IGF2R: variants seen among roughly 807,000 people sequenced by gnomAD.
IGF2R encodes insulin like growth factor 2 receptor.
In IGF2R, 91 loss-of-function variants were observed where a neutral mutation model predicts 270.6. That is an observed-to-expected ratio of 0.34 (90% CI 0.28 to 0.40). The LOEUF (loss-of-function observed/expected upper bound fraction) is 0.40, where lower values mean the gene tolerates loss of function less well. Among genes scored for constraint, IGF2R ranks in the 10% least tolerant of loss-of-function variants. IGF2R has a pLI of 1.00. For missense variants in IGF2R, 2,805 were observed against 3,188.3 expected (o/e 0.88, Z 2.90); for synonymous variants, 1,316 against 1,258.9 (o/e 1.05, Z -0.96).
At chr6:160,099,859 T>C (rs1229949995) in intron 45 of IGF2R, among the ~76,000 whole-genome samples, 1 of 152,118 alleles carries the variant, frequency 6.6e-6, no homozygotes, top group African/African-American at 2.4e-5. Context: ...CTTACAGTGA[T>C]AGCATCATAT....
At chr6:160,051,641 G>GTAA (rs778162018) in intron 19 of IGF2R, among the ~76,000 whole-genome samples, 1 of 152,188 alleles carries the variant, frequency 6.6e-6, no homozygotes, top group Non-Finnish European at 1.5e-5. Flanking sequence ...GGCTGTATGT[G>GTAA]TAATACAAAA....
rs531211874 is a variant in IGF2R, at chr6:160,048,309, A to G, written c.2346-66A>G. The G allele has an allele frequency of 2.1e-6, 3 of 1,461,730 alleles. No homozygotes were observed. In the African/African-American group the frequency reaches 4.2e-5, roughly 20 times the overall value. 90.5% of individuals were successfully genotyped at this position (1,461,730 alleles called of 1,614,324 possible). On this transcript the variant is annotated intron_variant, in intron 17 of 47. Transcript: ENST00000356956. ...GGTAGCTTTACTTCCCCAACTACAT[A>G]GAAATAAATGAGACTGAAATGTGTA...
intron 4 of IGF2R, among the ~76,000 whole-genome samples, chr6:160,021,467 T>C (rs1368276737): frequency 7.1e-6 from 1 of 139,958 alleles, no homozygotes; most frequent in Non-Finnish European, 1.6e-5. Flanking sequence ...GGGGGAGGGA[T>C]AGCATTAGGA....
Position 160,102,552 on chromosome 6 carries a change from C to T in IGF2R, c.6876C>T (p.Asp2292=), listed in dbSNP as rs201941901. Residue 2292 remains aspartate, a synonymous_variant, in exon 46 of 48, where the codon GAC becomes GAT. Transcript: ENST00000356956. This position sits in a 1 kb window ranked among gnomAD's most constrained non-coding sequence, Gnocchi z 4.5. ...VGFDSENPGD[D]GQMHKGLSER... is the part of the protein sequence containing the mutation. The stretch of plus-strand genomic sequence containing the variant: ...TTGACAGCGAGAATCCCGGGGACGA[C>T]GGGCAGATGCACAAGGGGCTGTCAG... 389 of 1,612,904 alleles carry T rather than the reference C, an allele frequency of 2.4e-4. 1 individual carries two copies. The highest frequency in any genetic ancestry group is 2.9e-4 in the Non-Finnish European group (347 of 1,179,896).
chr6:159,969,454 T>TG, intron 1 of IGF2R, 59 bp downstream of exon 1: 4 of 1,138,040 alleles, frequency 3.5e-6, no homozygotes, highest in Non-Finnish European at 4.3e-6. Flanking sequence ...GCGGCCGGCG[T>TG]GGGGGGCGGG....
chr6:160,102,465 T>C lies in IGF2R; in HGVS notation c.6843-54T>C. ...GGGGACTCAGGTCTCAGGTTGTGGC[T>C]GTGGCAGCAGGACCACCCTGTGACA... On this transcript the variant is annotated intron_variant, in intron 45 of 47. Transcript: ENST00000356956. The surrounding 1 kb of genome is among the most constrained non-coding windows in gnomAD (Gnocchi z 4.5). The C allele has an allele frequency of 6.3e-7, 1 of 1,580,996 alleles. No individual in the cohort carries two copies. The highest frequency in any genetic ancestry group is 8.6e-7 in the Non-Finnish European group (1 of 1,158,332).
Position 160,073,375 on chromosome 6 carries a change from C to T in IGF2R, c.4853C>T (p.Ala1618Val). Reference protein sequence around the residue: ...SVISFVCRPEARPTNRPMLIS... With the variant: ...SVISFVCRPEVRPTNRPMLIS... ...ATCAGTTTCGTGTGCAGGCCTGAGG[C>T]CAGGCCAACCAATAGGCCCATGCTC... The change falls in exon 34 of 48, where the codon GCC (alanine) becomes GTC (valine). Residue 1618 changes from alanine (A) to valine (V), a missense_variant. Around this residue, in one of 2 missense-constraint regions of IGF2R, gnomAD observed 1,851 missense variants for 2,207.2 expected, o/e 0.84. Coordinates refer to ENST00000356956, the MANE Select transcript of IGF2R (RefSeq NM_000876.4). 2 of 1,614,212 alleles carry T rather than the reference C, an allele frequency of 1.2e-6. No individual in the cohort carries two copies. Among genetic ancestry groups the T allele is most frequent in the Middle Eastern group, 1.6e-4 (1 of 6,062 alleles).
At chr6:160,027,441 T>G in intron 6 of IGF2R, 127 bp downstream of exon 6, 1 of 1,061,614 alleles carries the variant, frequency 9.4e-7, no homozygotes. Context: ...CTGCTTCACA[T>G]GTACTTGTAA....
rs998399164 is a variant in IGF2R at position 160,043,917 on chromosome 6, G to C, written c.1622-597G>C. Among the ~76,000 whole-genome samples, 4 of 152,332 alleles carry C rather than the reference G, an allele frequency of 2.6e-5. No homozygotes were observed. In the South Asian group the frequency reaches 8.3e-4, roughly 32 times the overall value. On this transcript the variant is annotated intron_variant, in intron 12 of 47. Coordinates refer to ENST00000356956, the MANE Select transcript of IGF2R (RefSeq NM_000876.4). ...ATTTTAGGAATTATCTCGGTATTCA[G>C]AATTGCTGGTGTGTCTTTAAAAGCA...
At chr6:159,973,857 TA>T (rs1429466486) in intron 1 of IGF2R, among the ~76,000 whole-genome samples, 2 of 152,236 alleles carry the variant, frequency 1.3e-5, no homozygotes, top group African/African-American at 2.4e-5. Flanking sequence ...TCTTGGTATA[TA>T]AACTATTGTA....
Position 160,075,848 on chromosome 6 carries a change from A to T in IGF2R, c.5168A>T (p.Asp1723Val), listed in dbSNP as rs1352794128. The T allele has an allele frequency of 6.2e-7, 1 of 1,613,382 alleles. No individual in the cohort carries two copies. Among genetic ancestry groups the T allele is most frequent in the Non-Finnish European group, 8.5e-7 (1 of 1,179,414 alleles). ...TGTTTGCCCTCGCTCTTTGTTTAGGATATCGGCCGGGTAGCAGGACCACCA... is the reference window on the plus strand; with the variant it reads ...TGTTTGCCCTCGCTCTTTGTTTAGGTTATCGGCCGGGTAGCAGGACCACCA... ...CKVPIDGPPIDIGRVAGPPIL... is the reference protein window; with the variant it reads ...CKVPIDGPPIVIGRVAGPPIL... Residue 1723 changes from aspartate (D) to valine (V), a missense_variant and splice_region_variant, in exon 36 of 48, where the codon GAT becomes GTT. Around this residue, in one of 2 missense-constraint regions of IGF2R, gnomAD observed 1,851 missense variants for 2,207.2 expected, o/e 0.84. Coordinates refer to ENST00000356956, the MANE Select transcript of IGF2R (RefSeq NM_000876.4).
intron 4 of IGF2R, 133 bp from the exon 5 acceptor site, chr6:160,024,439 T>G: frequency 2.5e-6 from 2 of 805,960 alleles, no homozygotes; most frequent in Non-Finnish European, 4.0e-6. Flanking sequence ...TTTGCCTGAG[T>G]TCGTTATTAG....
At position 160,089,226 on chromosome 6, in the gene IGF2R, G is replaced by A; in HGVS notation, c.6440G>A (p.Ser2147Asn). ...ATCACCAACCCTATAAATGGCAAGAGCTTCAGCCTCGGAGATATTTATTTT... is the reference window on the plus strand; with the variant it reads ...ATCACCAACCCTATAAATGGCAAGAACTTCAGCCTCGGAGATATTTATTTT... ...GTITNPINGK[S>N]FSLGDIYFKL... The change falls in exon 43 of 48, where the codon AGC becomes AAC. Residue 2147 changes from serine (S) to asparagine (N), a missense_variant. Ser to Asn is a conservative substitution (Grantham distance 46, BLOSUM62 1). Coordinates refer to ENST00000356956, the MANE Select transcript of IGF2R (RefSeq NM_000876.4). The A allele has an allele frequency of 6.2e-7, 1 of 1,610,526 alleles. No homozygotes were observed.
rs1242728094 is a variant in IGF2R at position 159,993,272 on chromosome 6, A to G, written c.289+1949A>G. On this transcript the variant is annotated intron_variant, in intron 2 of 47. Coordinates refer to ENST00000356956, the MANE Select transcript of IGF2R (RefSeq NM_000876.4). Reference sequence around the variant, plus strand: ...TACTTGGCTATTTTTGTTTTGTTGCATTTGCTTTTGAGGTTTTAGTTATGA... The same window carrying G: ...TACTTGGCTATTTTTGTTTTGTTGCGTTTGCTTTTGAGGTTTTAGTTATGA... Among the ~76,000 whole-genome samples the G allele has an allele frequency of 3.2e-4, 49 of 152,018 alleles. 1 individual carries two copies. The highest frequency in any genetic ancestry group is 1.5e-5 in the Non-Finnish European group (1 of 67,992).
At chr6:160,078,007 G>A (rs1778891101) in intron 36 of IGF2R, among the ~76,000 whole-genome samples, 194 bp from the exon 37 acceptor site, 1 of 152,242 alleles carries the variant, frequency 6.6e-6, no homozygotes, top group African/African-American at 2.4e-5. Context: ...CTCACAGGAT[G>A]TGTAGGGGGC....
At chr6:159,981,649 G>A (rs982630151) in intron 1 of IGF2R, among the ~76,000 whole-genome samples, 2 of 152,206 alleles carry the variant, frequency 1.3e-5, no homozygotes, top group African/African-American at 2.4e-5. Context: ...GAGTTTTGTC[G>A]AGGAAGTTGA....
At chr6:160,048,274 T>A in intron 17 of IGF2R, 101 bp from the exon 18 acceptor site, 1 of 1,118,168 alleles carries the variant, frequency 8.9e-7, no homozygotes, top group Non-Finnish European at 1.3e-6. Flanking sequence ...TGGTGGAGCA[T>A]GTTTTATTTG....
rs368684078 is a variant in IGF2R, at chr6:160,050,626, C to T, written c.2668C>T (p.His890Tyr). 21 of 1,609,776 alleles carry T rather than the reference C, an allele frequency of 1.3e-5. No homozygotes were observed. Among genetic ancestry groups the T allele is most frequent in the Non-Finnish European group, 1.7e-5 (20 of 1,176,638 alleles). The change falls in exon 19 of 48, where the codon CAT becomes TAT. Residue 890 changes from histidine (H) to tyrosine (Y), a missense_variant. Around this residue, in one of 2 missense-constraint regions of IGF2R, gnomAD observed 1,851 missense variants for 2,207.2 expected, o/e 0.84. Coordinates refer to ENST00000356956, the MANE Select transcript of IGF2R (RefSeq NM_000876.4). This position sits in a 1 kb window ranked among gnomAD's most constrained non-coding sequence, Gnocchi z 4.0. ...GRQTTYTTRI[H>Y]LVCSRGRLNS... is the part of the protein sequence containing the mutation. ...ACAGACCACATATACCACGAGGATCCATCTCGTCTGCTCCAGGGGCAGGCT... is the reference window on the plus strand; with the variant it reads ...ACAGACCACATATACCACGAGGATCTATCTCGTCTGCTCCAGGGGCAGGCT...
intron 33 of IGF2R, 30 bp from the exon 34 acceptor site, chr6:160,073,183 T>G (rs1175804075): frequency 6.2e-7 from 1 of 1,604,356 alleles, no homozygotes. Context: ...TCTGTGATTG[T>G]GTTTTCTCCG....
Sources: gnomAD v4.1 joint callset for allele counts (sites outside exome capture counted in the v4.1 genomes callset) on GRCh38, gnomAD v4.1.1 for gene constraint, gnomAD v4.1.1 regional missense constraint, Gnocchi (gnomAD v3.1) non-coding constraint, MANE v1.5 for transcripts, NCBI Gene and HGNC (gene_info 2026-07-23, HGNC 2026-07-21) for gene names.